GOLM2: variants seen among roughly 807,000 people sequenced by gnomAD.
GOLM2 encodes the protein golgi membrane protein 2.
GOLM2 carries 26 observed loss-of-function variants against 55.9 expected under a neutral mutation model. That is an observed-to-expected ratio of 0.47 (90% CI 0.34 to 0.65). The LOEUF (loss-of-function observed/expected upper bound fraction) is 0.65. GOLM2 is among the 30% of genes least tolerant of loss of function. GOLM2 has a pLI of 0.01. For synonymous variants in GOLM2, 165 were observed against 194.6 expected, an observed-to-expected ratio of 0.85 and a Z score of 1.27; for missense variants, 486 against 531.8, an observed-to-expected ratio of 0.91 and a Z score of 0.85.
At chr15:44,297,958 C>G (rs1483974182) in intron 1 of GOLM2, among the ~76,000 whole-genome samples, 1 of 150,312 alleles carries the variant, frequency 6.7e-6, no homozygotes, top group Admixed American at 6.7e-5. Flanking sequence ...ACCTCCGCCT[C>G]CCGGGTTTAA....
rs759025011 is a variant in GOLM2 at position 44,379,807 on chromosome 15, A to G, written c.901+19A>G. On this transcript the variant is annotated intron_variant, in intron 7 of 9. Transcript: ENST00000299957. ...CCTCCAGGTATGAAGGCTTATGCTT[A>G]TAATTCCATTTGAAACCAACTTACT... 6.8e-7 allele frequency: 1 copy of G among 1,476,894 alleles called. No individual in the cohort carries two copies. The highest frequency in any genetic ancestry group is 9.5e-7 in the Non-Finnish European group (1 of 1,056,922). The allele number at this position is 1,476,894 out of a possible 1,614,324, so 91.5% of individuals were successfully genotyped here. A position where few individuals can be genotyped will look rare whatever the true frequency, so the allele number is the denominator to read the frequency against.
intron 1 of GOLM2, among the ~76,000 whole-genome samples, chr15:44,316,958 C>G (rs867630934): frequency 1.3e-5 from 2 of 151,568 alleles, no homozygotes; most frequent in Non-Finnish European, 2.9e-5. Flanking sequence ...TACACTCCAC[C>G]CTGGGTGACA....
rs552928418 is a variant in GOLM2, at chr15:44,333,412, TTATAGTAGGA to T, written c.576+1340_576+1349del. On this transcript the variant is annotated intron_variant, in intron 4 of 9. Coordinates refer to ENST00000299957, the MANE Select transcript of GOLM2 (RefSeq NM_138423.4). ...TTTCATTCTTAGCTTTTTCACAATT[TTATAGTAGGA>T]TATAGAGGGTGTCATTTCTTTCTCC... 1.2e-4 allele frequency among the ~76,000 whole-genome samples: 18 copies of T among 152,362 alleles called. 1 individual carries two copies. The South Asian group carries it at 3.7e-3, about 32-fold the overall frequency.
chr15:44,366,563 G>A (rs1207559181), intron 6 of GOLM2, among the ~76,000 whole-genome samples: 2 of 152,172 alleles, frequency 1.3e-5, no homozygotes, highest in Non-Finnish European at 2.9e-5. Context: ...GAGCACAGGG[G>A]ATTGAGGCTG....
chr15:44,376,253 A>C (rs1388962486), intron 6 of GOLM2, among the ~76,000 whole-genome samples: 11 of 151,992 alleles, frequency 7.2e-5, no homozygotes, highest in African/African-American at 2.7e-4. Context: ...AAACAAAACA[A>C]AACAAAAAAC....
At chr15:44,377,592 T>C (rs1303909737) in intron 6 of GOLM2, among the ~76,000 whole-genome samples, 1 of 152,122 alleles carries the variant, frequency 6.6e-6, no homozygotes, top group Non-Finnish European at 1.5e-5. Context: ...CAGGCTGGTC[T>C]CAAACTTCTG....
At chr15:44,404,859 G>A (rs532538704) in intron 9 of GOLM2, among the ~76,000 whole-genome samples, 2 of 151,986 alleles carry the variant, frequency 1.3e-5, no homozygotes, top group South Asian at 4.2e-4. Context: ...ACTGTGACTA[G>A]GGTAATAACT....
At chr15:44,329,455 C>T (rs998292720) in intron 3 of GOLM2, among the ~76,000 whole-genome samples, 2 of 152,116 alleles carry the variant, frequency 1.3e-5, no homozygotes, top group African/African-American at 4.8e-5. Context: ...TTTAACGTAA[C>T]AGTATTCAGT....
At chr15:44,403,122 T>C in intron 9 of GOLM2, 68 bp downstream of exon 9, 3 of 1,574,144 alleles carry the variant, frequency 1.9e-6, no homozygotes, top group Non-Finnish European at 1.7e-6. Flanking sequence ...GTTGAATTTG[T>C]GTAGAATTTC....
chr15:44,337,908 G>A lies in GOLM2; in HGVS notation c.721+1G>A. 6.3e-7 allele frequency: 1 copy of A among 1,581,918 alleles called. No homozygotes were observed. The stretch of plus-strand genomic sequence containing the variant: ...AGCAATCATATTCCACATGGGAAAG[G>A]TATTATTGTTATTATTCTTTTGTTT... On this transcript the variant is annotated splice_donor_variant, in intron 5 of 9. Transcript: ENST00000299957. LOFTEE classifies it high-confidence loss of function.
chr15:44,344,965 C>A (rs2079114155), intron 6 of GOLM2, among the ~76,000 whole-genome samples: 1 of 150,402 alleles, frequency 6.6e-6, no homozygotes, highest in African/African-American at 2.4e-5. Context: ...CGCCACCATG[C>A]CTGGCTAATT....
At chr15:44,298,733 C>A (rs9806725) in intron 1 of GOLM2, among the ~76,000 whole-genome samples, 1 of 151,796 alleles carries the variant, frequency 6.6e-6, no homozygotes, top group Non-Finnish European at 1.5e-5. Flanking sequence ...TTTTTTCCTG[C>A]GGGAAAAATT....
chr15:44,389,760 C>T (rs1023392715), intron 8 of GOLM2, among the ~76,000 whole-genome samples: 6 of 152,190 alleles, frequency 3.9e-5, no homozygotes, highest in Non-Finnish European at 8.8e-5. Flanking sequence ...TAGCTCACTA[C>T]AACCTTGACC....
chr15:44,368,595 ATGTCG>A (rs2079302392), intron 6 of GOLM2, among the ~76,000 whole-genome samples: 2 of 151,566 alleles, frequency 1.3e-5, no homozygotes, highest in Non-Finnish European at 2.9e-5. Flanking sequence ...TTCACTTTAG[ATGTCG>A]TACTTTCAAT....
At chr15:44,375,614 C>CA (rs926162736) in intron 6 of GOLM2, among the ~76,000 whole-genome samples, 2 of 151,314 alleles carry the variant, frequency 1.3e-5, no homozygotes, top group South Asian at 2.1e-4. Flanking sequence ...CTCCTCTCTA[C>CA]AAAAAAAAAT....
In GOLM2 at chr15:44,395,235, C is replaced by T. The variant is rs537722544; in HGVS notation, c.1073-7652C>T. Among the ~76,000 whole-genome samples the T allele has an allele frequency of 9.8e-4, 146 of 149,558 alleles. No homozygotes were observed. In the East Asian group the frequency reaches 0.027, roughly 28 times the overall value. ...CAGGGTTTCACTGTGGTCTCGATTT[C>T]CTGACCTCGTGATCCGCCCGCCTCA... On this transcript the variant is annotated intron_variant, in intron 8 of 9. Coordinates refer to ENST00000299957, the MANE Select transcript of GOLM2 (RefSeq NM_138423.4).
intron 6 of GOLM2, among the ~76,000 whole-genome samples, chr15:44,350,482 AG>A (rs1475087247): frequency 2.0e-5 from 3 of 152,216 alleles, no homozygotes; most frequent in Non-Finnish European, 4.4e-5. Flanking sequence ...TGTAATAAAA[AG>A]TCTTCCAGCA....
chr15:44,394,701 A>G (rs1025248630), intron 8 of GOLM2, among the ~76,000 whole-genome samples: 9 of 151,992 alleles, frequency 5.9e-5, no homozygotes, highest in African/African-American at 2.2e-4. Context: ...GTACACCCCA[A>G]CCTCCCACCT....
chr15:44,369,713 C>CAG (rs2079317196), intron 6 of GOLM2, among the ~76,000 whole-genome samples: 1 of 150,786 alleles, frequency 6.6e-6, no homozygotes, highest in Non-Finnish European at 1.5e-5. Context: ...CACACACACA[C>CAG]ACACACACAC....
Sources: allele counts gnomAD v4.1 joint callset (sites outside exome capture counted in the v4.1 genomes callset), GRCh38; gene constraint gnomAD v4.1.1; transcripts MANE v1.5; gene names NCBI Gene and HGNC (gene_info 2026-07-23, HGNC 2026-07-21).